The following BLOC1S1 variants were observed in gnomAD, a reference collection of about 807,000 sequenced individuals.
The protein encoded by BLOC1S1 is biogenesis of lysosome-related organelles complex 1 subunit 1.
BLOC1S1 carries 11 observed loss-of-function variants against 19.0 expected under a neutral mutation model. That is an observed-to-expected ratio of 0.58 (90% CI 0.37 to 0.96). BLOC1S1 has a LOEUF of 0.96. Ranked by LOEUF, BLOC1S1 falls within the 40% of genes least tolerant of loss-of-function variation. The pLI is 0.01. For synonymous variants in BLOC1S1, 94 were observed against 76.4 expected, an observed-to-expected ratio of 1.23 and a Z score of -1.20; for missense variants, 220 against 195.9, an observed-to-expected ratio of 1.12 and a Z score of -0.73.
At chr12:55,716,311 C>G in intron 1 of BLOC1S1, 115 bp downstream of exon 1, 1 of 1,511,746 alleles carries the variant, frequency 6.6e-7, no homozygotes, top group Non-Finnish European at 8.8e-7. Context: ...TAGCGGGCAA[C>G]GGGCATGGGG....
intron 1 of BLOC1S1, 88 bp downstream of exon 1, chr12:55,716,284 CA>C: frequency 6.6e-7 from 1 of 1,520,686 alleles, no homozygotes; most frequent in Non-Finnish European, 8.8e-7. Context: ...TAACCATATC[CA>C]GGGAAAGACG....
chr12:55,718,660 G>A (rs1592517933), intron 2 of BLOC1S1, among the ~76,000 whole-genome samples: 1 of 152,128 alleles, frequency 6.6e-6, no homozygotes, highest in Admixed American at 6.5e-5. Context: ...CCCGGCTTCA[G>A]GGAGGGGCCC....
intron 1 of BLOC1S1, 38 bp from the exon 2 acceptor site, chr12:55,716,895 C>G (rs1279396723): frequency 6.4e-7 from 1 of 1,561,064 alleles, no homozygotes; most frequent in Non-Finnish European, 8.6e-7. Context: ...CTCAAAAAAC[C>G]AAGTCTCCCC....
chr12:55,716,344 T>G, intron 1 of BLOC1S1, 148 bp downstream of exon 1: 1 of 1,474,482 alleles, frequency 6.8e-7, no homozygotes, highest in South Asian at 1.3e-5. Context: ...CAGAGAGGCT[T>G]TTTTTGAAAC....
chr12:55,717,637 A>G (rs1374003200), intron 2 of BLOC1S1, among the ~76,000 whole-genome samples: 11 of 152,314 alleles, frequency 7.2e-5, no homozygotes, highest in Non-Finnish European at 1.6e-4. Context: ...TAGTCTGCCT[A>G]TTGGAAGAAA....
intron 1 of BLOC1S1, 70 bp downstream of exon 1, chr12:55,716,266 C>A (rs1022426096): frequency 5.2e-6 from 8 of 1,548,668 alleles, no homozygotes; most frequent in Non-Finnish European, 7.0e-6. Flanking sequence ...GCCTGGATCT[C>A]GAGTAACTAA....
chr12:55,717,008 A>C lies in BLOC1S1; in HGVS notation c.218+3A>C. On this transcript the variant is annotated splice_donor_region_variant and intron_variant, in intron 2 of 3. Transcript: ENST00000548925. Reference sequence around the variant, plus strand: ...TTGGTGGATCACCTCAATGTGGGGTATGGACCTCTTATCAACATCAGTTTC... The same window carrying C: ...TTGGTGGATCACCTCAATGTGGGGTCTGGACCTCTTATCAACATCAGTTTC... 1 of 1,582,868 alleles carries C rather than the reference A, an allele frequency of 6.3e-7. No homozygotes were observed. Among genetic ancestry groups the C allele is most frequent in the East Asian group, 2.4e-5 (1 of 41,888 alleles).
chr12:55,718,941 G>A (rs1876769628), intron 2 of BLOC1S1, 150 bp from the exon 3 acceptor site: 2 of 948,630 alleles, frequency 2.1e-6, no homozygotes, highest in Middle Eastern at 3.4e-4. Flanking sequence ...TTATTTGCAT[G>A]TACTGGTAGT....
Position 55,716,955 on chromosome 12 carries a change from C to T in BLOC1S1, c.168C>T (p.Ile56=). 1 of 1,595,286 alleles carries T rather than the reference C, an allele frequency of 6.3e-7. No individual in the cohort carries two copies. Among genetic ancestry groups the T allele is most frequent in the Non-Finnish European group, 8.5e-7 (1 of 1,172,180 alleles). The change falls in exon 2 of 4, where the codon ATC becomes ATT. Residue 56 remains isoleucine (I), a synonymous_variant. Coordinates refer to ENST00000548925, the MANE Select transcript of BLOC1S1 (RefSeq NM_001487.4). The part of the protein sequence containing the change: ...ELQEKRRREA[I]TAATCLTEAL... ...CAGAAAAGAGGAGGCGAGAGGCTAT[C>T]ACTGCAGCGACCTGCCTGACAGAAG...
Position 55,719,491 on chromosome 12 carries a change from C to G in BLOC1S1, c.352-8C>G. 3 of 1,613,228 alleles carry G rather than the reference C, an allele frequency of 1.9e-6. No individual in the cohort carries two copies. Among genetic ancestry groups the G allele is most frequent in the Non-Finnish European group, 1.7e-6 (2 of 1,179,104 alleles). On this transcript the variant is annotated splice_region_variant and splice_polypyrimidine_tract_variant and intron_variant, in intron 3 of 3. Transcript: ENST00000548925. ...TCCTGGGCTCCCACCTCCTCTCCCC[C>G]TTCCCAGGAAATTGGGGATGTGGAG...
intron 1 of BLOC1S1, 146 bp downstream of exon 1, chr12:55,716,342 C>CT (rs1592514262): frequency 6.8e-7 from 1 of 1,475,458 alleles, no homozygotes; most frequent in Non-Finnish European, 9.0e-7. Flanking sequence ...TTCAGAGAGG[C>CT]TTTTTTTGAA....
intron 3 of BLOC1S1, 38 bp downstream of exon 3, chr12:55,719,261 G>A (rs12303201): frequency 1.9e-6 from 3 of 1,613,848 alleles, no homozygotes; most frequent in Non-Finnish European, 2.5e-6. Context: ...CCAATCCTGG[G>A]CCCCCATTGG....
At chr12:55,719,402 C>A in intron 3 of BLOC1S1, 97 bp from the exon 4 acceptor site, 1 of 1,451,886 alleles carries the variant, frequency 6.9e-7, no homozygotes, top group Non-Finnish European at 9.6e-7. Context: ...CCAAGTAAAG[C>A]CTTTTCCAGG....
At chr12:55,719,334 C>A in intron 3 of BLOC1S1, 111 bp downstream of exon 3, 1 of 1,546,540 alleles carries the variant, frequency 6.5e-7, no homozygotes, top group East Asian at 2.3e-5. Context: ...CCCAGAAACC[C>A]CATCTATAGC....
intron 2 of BLOC1S1, among the ~76,000 whole-genome samples, 161 bp downstream of exon 2, chr12:55,717,166 C>T (rs368102624): frequency 1.3e-4 from 20 of 152,196 alleles, no homozygotes; most frequent in African/African-American, 4.6e-4. Flanking sequence ...CAACTTGAGT[C>T]AACTCTGAGT....
At chr12:55,717,029 G>A in intron 2 of BLOC1S1, 24 bp downstream of exon 2, 1 of 1,550,610 alleles carries the variant, frequency 6.4e-7, no homozygotes, top group Non-Finnish European at 8.7e-7. Flanking sequence ...ATCAACATCA[G>A]TTTCCTCCTT....
rs1270114849 is a variant in BLOC1S1, at chr12:55,716,063, G to T, written c.12G>T (p.Gly4=). 4 of 1,561,260 alleles carry T rather than the reference G, an allele frequency of 2.6e-6. No individual in the cohort carries two copies. Among genetic ancestry groups the T allele is most frequent in the African/African-American group, 1.4e-5 (1 of 73,358 alleles). The change falls in exon 1 of 4, where the codon GGG becomes GGT. Residue 4 remains glycine, a synonymous_variant. Coordinates refer to ENST00000548925, the MANE Select transcript of BLOC1S1 (RefSeq NM_001487.4). The part of the protein sequence containing the change: MAP[G]SRGERSSFRS... ...AGCGGTCACGTGACATGGCCCCGGGGAGCCGAGGTGAGCGTTCCAGCTTCC... is the reference window on the plus strand; with the variant it reads ...AGCGGTCACGTGACATGGCCCCGGGTAGCCGAGGTGAGCGTTCCAGCTTCC...
chr12:55,719,436 G>T, intron 3 of BLOC1S1, 63 bp from the exon 4 acceptor site: 1 of 1,514,430 alleles, frequency 6.6e-7, no homozygotes, highest in South Asian at 1.1e-5. Context: ...GTATTCCCCA[G>T]ACTGGAAGCC....
At position 55,716,914 on chromosome 12, in the gene BLOC1S1, C is replaced by A; in HGVS notation, c.146-19C>A. 1.3e-6 allele frequency: 2 copies of A among 1,578,916 alleles called. No homozygotes were observed. Among genetic ancestry groups the A allele is most frequent in the Non-Finnish European group, 1.7e-6 (2 of 1,166,080 alleles). On this transcript the variant is annotated intron_variant, in intron 1 of 3. Transcript: ENST00000548925. ...AAAAACCAAGTCTCCCCTCCAATTC[C>A]TTTTCCCCCTCTCCCCAGAAAAGAG...
Sources: gnomAD v4.1 joint callset for allele counts (sites outside exome capture counted in the v4.1 genomes callset) on GRCh38, gnomAD v4.1.1 for gene constraint, MANE v1.5 for transcripts, NCBI Gene and HGNC (gene_info 2026-07-23, HGNC 2026-07-21) for gene names.